PDGFA: variants seen among roughly 807,000 people sequenced by gnomAD.
The protein encoded by PDGFA is platelet derived growth factor subunit A.
A neutral mutation model predicts 25.6 loss-of-function variants in PDGFA; 9 were observed. The observed-to-expected ratio is 0.35, with a 90% CI of 0.21 to 0.61. The LOEUF (loss-of-function observed/expected upper bound fraction) is 0.61. Among genes scored for constraint, PDGFA ranks in the 20% least tolerant of loss-of-function variants. The pLI, the probability that PDGFA is intolerant of heterozygous loss-of-function variation, is 0.75. For missense variants in PDGFA, 242 were observed against 272.8 expected, an observed-to-expected ratio of 0.89 and a Z score of 0.79; for synonymous variants, 133 against 111.8, an observed-to-expected ratio of 1.19 and a Z score of -1.20.
At chr7:516,443 G>T (rs981237975) in intron 2 of PDGFA, among the ~76,000 whole-genome samples, 3 of 152,098 alleles carry the variant, frequency 2.0e-5, no homozygotes, top group South Asian at 2.1e-4. Context: ...TTCATGTCAC[G>T]TAACTTCTTC....
chr7:512,703 C>G, intron 2 of PDGFA: 1 of 1,409,100 alleles, frequency 7.1e-7, no homozygotes, highest in Non-Finnish European at 9.3e-7. Flanking sequence ...ACAGAGGTCC[C>G]CACATTCAGG....
intron 4 of PDGFA, among the ~76,000 whole-genome samples, chr7:502,952 G>A (rs1031661921): frequency 4.6e-5 from 7 of 152,054 alleles, no homozygotes; most frequent in Non-Finnish European, 8.8e-5. Flanking sequence ...GGGCCCCATC[G>A]TGGGAATCTT....
intron 4 of PDGFA, 23 bp downstream of exon 4, chr7:510,785 AG>A (rs1562489645): frequency 1.8e-6 from 1 of 567,310 alleles, no homozygotes; most frequent in South Asian, 2.4e-5. Flanking sequence ...AGGGGAGGGG[AG>A]GGGAGGGGAG....
At chr7:512,607 C>T in intron 2 of PDGFA, 152 bp from the exon 3 acceptor site, 1 of 1,541,544 alleles carries the variant, frequency 6.5e-7, no homozygotes, top group Non-Finnish European at 8.7e-7. Context: ...CATTAGGGGC[C>T]CTCCAGGAGA....
intron 3 of PDGFA, among the ~76,000 whole-genome samples, chr7:511,886 G>T (rs1038309747): frequency 6.6e-6 from 1 of 152,130 alleles, no homozygotes; most frequent in Admixed American, 6.5e-5. Flanking sequence ...GGGCACACGG[G>T]TGTGGTGAGG....
chr7:518,121 C>T (rs1783191859), intron 1 of PDGFA, among the ~76,000 whole-genome samples: 1 of 152,154 alleles, frequency 6.6e-6, no homozygotes, highest in Non-Finnish European at 1.5e-5. Context: ...AGCCGGCGGC[C>T]GGGAGAAGAA....
chr7:519,072 T>C, exon 1 of PDGFA: 19 of 1,261,080 alleles, frequency 1.5e-5, no homozygotes, highest in Non-Finnish European at 2.1e-5. Flanking sequence ...CGGTCTCCTG[T>C]GGCGGCGAAA....
At chr7:520,363 T>A (rs1396357281), upstream of PDGFA, 1 of 162,478 alleles carries the variant, frequency 6.2e-6, no homozygotes, top group Non-Finnish European at 1.3e-5. Flanking sequence ...AGTCAGTCTT[T>A]GGGGAAGGAG....
At chr7:519,703 C>T (rs1783283848), upstream of PDGFA, among the ~76,000 whole-genome samples, 1 of 145,844 alleles carries the variant, frequency 6.9e-6, no homozygotes, top group Admixed American at 6.8e-5. Flanking sequence ...CGCCCGGGGC[C>T]TCGCTGCGCC....
chr7:516,523 G>T (rs1423065345), intron 2 of PDGFA, among the ~76,000 whole-genome samples: 1 of 152,130 alleles, frequency 6.6e-6, no homozygotes, highest in Admixed American at 6.5e-5. Flanking sequence ...CCAGGTTAAG[G>T]CTCCGACTGG....
chr7:516,540 C>G (rs1429329145), intron 2 of PDGFA, among the ~76,000 whole-genome samples: 2 of 152,180 alleles, frequency 1.3e-5, no homozygotes, highest in African/African-American at 4.8e-5. Context: ...CTGGAGTTCC[C>G]AGGCCGAGTG....
intron 4 of PDGFA, among the ~76,000 whole-genome samples, chr7:504,962 G>A (rs1583143396): frequency 6.6e-6 from 1 of 152,218 alleles, no homozygotes; most frequent in African/African-American, 2.4e-5. Flanking sequence ...ACATGGCACG[G>A]CCGCTCGTCT....
intron 2 of PDGFA, among the ~76,000 whole-genome samples, chr7:515,559 C>T (rs1201294168): frequency 6.6e-6 from 1 of 152,096 alleles, no homozygotes; most frequent in Admixed American, 6.5e-5. Flanking sequence ...CCACCAGGGG[C>T]AAGAGAGGAG....
At chr7:508,401 T>C (rs1246181460) in intron 4 of PDGFA, among the ~76,000 whole-genome samples, 2 of 151,540 alleles carry the variant, frequency 1.3e-5, no homozygotes, top group Non-Finnish European at 2.9e-5. Context: ...TCCCCGACTC[T>C]GCAAAGAATT....
intron 3 of PDGFA, 61 bp downstream of exon 3, chr7:512,290 C>A (rs112160740): frequency 1.3e-6 from 2 of 1,487,244 alleles, no homozygotes; most frequent in African/African-American, 1.4e-5. Flanking sequence ...CTGCCCATCG[C>A]GGCCTCCTGG....
Position 511,059 on chromosome 7 carries a change from C to T in PDGFA, c.266-63G>A, listed in dbSNP as rs559913638. 9.4e-5 allele frequency: 129 copies of T among 1,371,500 alleles called. 1 individual carries two copies. In the African/African-American group the frequency reaches 1.6e-3, roughly 17 times the overall value. 85.0% of individuals were successfully genotyped at this position (1,371,500 alleles called of 1,614,324 possible). ...CTGCGACCACGGCCCCACCCCAGGG[C>T]TGAGGCGGCTCCAGCTGGGCCTGGG... On this transcript the variant is annotated intron_variant, in intron 3 of 5. Coordinates refer to ENST00000402802, the Ensembl canonical transcript of PDGFA.
chr7:501,078 G>C, intron 5 of PDGFA, 38 bp downstream of exon 5: 1 of 1,614,080 alleles, frequency 6.2e-7, no homozygotes, highest in Non-Finnish European at 8.5e-7. Context: ...CTGAAGACCT[G>C]TTCTCCAACA....
rs537194076 is a variant in PDGFA, at chr7:512,038, A to C, written c.265+313T>G. Among the ~76,000 whole-genome samples the C allele has an allele frequency of 6.7e-4, 102 of 152,324 alleles. 3 individuals carry two copies. In the South Asian group the frequency reaches 0.021, roughly 31 times the overall value. On this transcript the variant is annotated intron_variant, in intron 3 of 5. Transcript: ENST00000402802. ...AGGCTCCTGGGGACAGGCCCCGACA[A>C]GACAGGGCGCTTAAGGAATTTATGA...
chr7:519,525 G>T (rs1783271802), upstream of PDGFA: 1 of 149,392 alleles, frequency 6.7e-6, no homozygotes, highest in African/African-American at 2.5e-5. Context: ...GCCCACCGCC[G>T]GCCCCGCGCT....
Sources: allele counts gnomAD v4.1 joint callset (sites outside exome capture counted in the v4.1 genomes callset), GRCh38; gene constraint gnomAD v4.1.1; transcripts MANE v1.5; gene names NCBI Gene and HGNC (gene_info 2026-07-23, HGNC 2026-07-21).